INSL6: variants seen among roughly 807,000 people sequenced by gnomAD.
INSL6 encodes the protein insulin-like peptide INSL6.
INSL6 carries 16 observed loss-of-function variants against 9.4 expected under a neutral mutation model. The ratio of observed to expected loss-of-function variants is 1.70; its 90% confidence interval spans 1.15 to 2.59. INSL6 has a LOEUF of 2.59. INSL6 is among the 30% of genes most tolerant of loss of function. The pLI is 0.00. For missense variants in INSL6, 391 were observed against 257.3 expected (o/e 1.52, Z -3.56); for synonymous variants, 154 against 96.9 (o/e 1.59, Z -3.46).
the INSL6 span, among the ~76,000 whole-genome samples, chr9:5,015,236 C>G: frequency 6.6e-6 from 1 of 152,100 alleles, no homozygotes; most frequent in Admixed American, 6.6e-5. Flanking sequence ...AATGAATATT[C>G]TTGTAATGTG....
chr9:5,047,453 A>G, the INSL6 span, among the ~76,000 whole-genome samples: 7 of 152,262 alleles, frequency 4.6e-5, no homozygotes, highest in African/African-American at 1.7e-4. Flanking sequence ...ATGGCTGCTA[A>G]GCAAATAAAC....
the INSL6 span, among the ~76,000 whole-genome samples, chr9:5,039,717 A>C: frequency 2.0e-5 from 3 of 152,184 alleles, no homozygotes; most frequent in African/African-American, 7.2e-5. Flanking sequence ...AAATGAAATT[A>C]AAAAAATTTC....
intron 1 of INSL6, among the ~76,000 whole-genome samples, chr9:5,169,021 G>A (rs1825122800): frequency 6.6e-6 from 1 of 151,960 alleles, no homozygotes; most frequent in African/African-American, 2.4e-5. Context: ...GGCCTCCAGG[G>A]TTCAAGTGGT....
chr9:5,122,910 GTTT>G (rs796174169), downstream of INSL6: 1 of 640,484 alleles, frequency 1.6e-6, no homozygotes. Flanking sequence ...TTCTCTACAT[GTTT>G]TTTTTTTTAA....
the INSL6 span, among the ~76,000 whole-genome samples, chr9:5,040,787 G>T: frequency 6.6e-6 from 1 of 152,222 alleles, no homozygotes; most frequent in African/African-American, 2.4e-5. Context: ...AACATGCGGT[G>T]GCTGGCCCAG....
chr9:5,109,872 C>G, the INSL6 span: 6 of 152,188 alleles, frequency 3.9e-5, no homozygotes, highest in Admixed American at 3.3e-4. Flanking sequence ...CACCAACAAA[C>G]TCTTTCAACT....
the INSL6 span, among the ~76,000 whole-genome samples, chr9:5,018,877 C>T: frequency 7.9e-5 from 12 of 152,318 alleles, no homozygotes; most frequent in South Asian, 2.5e-3. Context: ...GAGAAATCTG[C>T]TGTTAGTCTG....
chr9:5,091,469 A>G, the INSL6 span: 2 of 152,040 alleles, frequency 1.3e-5, no homozygotes, highest in Admixed American at 6.6e-5. Context: ...AGTTGATTTA[A>G]TTTTTGAGGG....
downstream of INSL6, chr9:5,163,848 CA>C (rs35123699): frequency 0.27 from 284,986 of 1,047,872 alleles, 39,192 homozygotes; most frequent in South Asian, 0.3. Flanking sequence ...TGCACAATTA[CA>C]AAAAAAAATA....
the INSL6 span, chr9:5,094,654 GA>G: frequency 1.3e-5 from 2 of 152,110 alleles, no homozygotes; most frequent in African/African-American, 4.8e-5. Context: ...AAAACTAACC[GA>G]GCCCCTTTTG....
chr9:5,041,212 C>A, the INSL6 span: 1 of 1,466,874 alleles, frequency 6.8e-7, no homozygotes, highest in Admixed American at 1.7e-5. Flanking sequence ...CCGAGAACTT[C>A]CTGGTGGGGC....
chr9:5,081,427 C>T, the INSL6 span, among the ~76,000 whole-genome samples: 1 of 152,056 alleles, frequency 6.6e-6, no homozygotes, highest in South Asian at 2.1e-4. Flanking sequence ...GTGCTTTCTA[C>T]CCCAGTACTA....
chr9:5,032,064 T>C, the INSL6 span, among the ~76,000 whole-genome samples: 17 of 152,244 alleles, frequency 1.1e-4, no homozygotes, highest in Non-Finnish European at 2.2e-4. Flanking sequence ...CCCACTCTAA[T>C]ACTGCGCTAT....
chr9:5,061,849 A>G, the INSL6 span, among the ~76,000 whole-genome samples: 1 of 152,182 alleles, frequency 6.6e-6, no homozygotes, highest in Admixed American at 6.5e-5. Flanking sequence ...CTTTTGATTT[A>G]AAGTGAGAGA....
At chr9:5,123,730 G>A (rs1346278675), downstream of INSL6, among the ~76,000 whole-genome samples, 1 of 151,854 alleles carries the variant, frequency 6.6e-6, no homozygotes, top group Non-Finnish European at 1.5e-5. Context: ...TCTTTATAAT[G>A]TTTTCCATAG....
At chr9:5,120,594 T>C (rs1017478853), downstream of INSL6, among the ~76,000 whole-genome samples, 1 of 152,206 alleles carries the variant, frequency 6.6e-6, no homozygotes, top group Non-Finnish European at 1.5e-5. Context: ...GATTTTGGAC[T>C]CCTGGAGGAT....
the INSL6 span, chr9:5,064,852 G>C: frequency 6.8e-7 from 1 of 1,465,202 alleles, no homozygotes; most frequent in Admixed American, 2.4e-5. Flanking sequence ...CTTTCTAAAA[G>C]GTGCTATTTC....
intron 1 of INSL6, 28 bp downstream of exon 1, chr9:5,185,286 C>G (rs1271964017): frequency 1.9e-6 from 3 of 1,613,948 alleles, no homozygotes; most frequent in East Asian, 2.2e-5. Context: ...CAGAGGTGAA[C>G]AAACATGCCT....
the INSL6 span, among the ~76,000 whole-genome samples, chr9:5,025,705 G>C: frequency 2.0e-5 from 3 of 151,866 alleles, no homozygotes; most frequent in Non-Finnish European, 1.5e-5. Flanking sequence ...GCTAATTTTT[G>C]TATTTTTGGT....
Sources: allele counts gnomAD v4.1 joint callset (sites outside exome capture counted in the v4.1 genomes callset), GRCh38; gene constraint gnomAD v4.1.1; transcripts MANE v1.5; gene names NCBI Gene and HGNC (gene_info 2026-07-23, HGNC 2026-07-21).